MALRD1: variants seen among roughly 807,000 people sequenced by gnomAD.
MALRD1 encodes MAM and LDL receptor class A domain containing 1, also known as MAM and LDL-receptor class A domain-containing protein 1.
In MALRD1, 247 loss-of-function variants were observed where a neutral mutation model predicts 242.1. The observed-to-expected ratio is 1.02, with a 90% CI of 0.92 to 1.13. MALRD1 has a LOEUF of 1.13. Ranked by LOEUF, MALRD1 falls within the 50% of genes most tolerant of loss-of-function variation. The probability of loss-of-function intolerance (pLI) is 0.00; values close to 1 mark genes in which losing one functional copy is unlikely to be tolerated. For missense variants in MALRD1, 2,989 were observed against 2,533.1 expected (o/e 1.18, Z -3.86); for synonymous variants, 995 against 866.6 (o/e 1.15, Z -2.60).
chr10:19,182,323 C>CTTTTTT (rs1835541746), intron 14 of MALRD1, among the ~76,000 whole-genome samples: 12 of 108,050 alleles, frequency 1.1e-4, no homozygotes, highest in Non-Finnish European at 1.7e-4. Flanking sequence ...CCAAAACCTA[C>CTTTTTT]ATTTTTTTTT....
At chr10:19,307,739 A>T (rs1481270174) in intron 21 of MALRD1, among the ~76,000 whole-genome samples, 1 of 151,550 alleles carries the variant, frequency 6.6e-6, no homozygotes, top group African/African-American at 2.4e-5. Context: ...TTGGAATGAA[A>T]AAAATTGAAT....
At chr10:19,528,946 G>A (rs1447173281) in intron 31 of MALRD1, among the ~76,000 whole-genome samples, 1 of 152,198 alleles carries the variant, frequency 6.6e-6, no homozygotes, top group East Asian at 1.9e-4. Flanking sequence ...TCAGGGACAA[G>A]TACTGGTGTA....
At chr10:19,056,045 G>A (rs1235384353) in intron 1 of MALRD1, among the ~76,000 whole-genome samples, 1 of 151,980 alleles carries the variant, frequency 6.6e-6, no homozygotes, top group African/African-American at 2.4e-5. Flanking sequence ...TTGTTCTGTT[G>A]GTGTATGTGT....
At chr10:19,429,127 G>A (rs181896981) in intron 28 of MALRD1, among the ~76,000 whole-genome samples, 52 of 152,240 alleles carry the variant, frequency 3.4e-4, no homozygotes, top group Admixed American at 4.6e-4. Flanking sequence ...CACACTTGAC[G>A]ACAAAGGCTT....
At chr10:19,642,643 G>T (rs1219311992) in intron 36 of MALRD1, among the ~76,000 whole-genome samples, 2 of 152,164 alleles carry the variant, frequency 1.3e-5, no homozygotes, top group African/African-American at 4.8e-5. Context: ...AGAAAGATCT[G>T]AAAGCAACAA....
chr10:19,052,920 T>C (rs1439171121), intron 1 of MALRD1, among the ~76,000 whole-genome samples: 4 of 152,164 alleles, frequency 2.6e-5, no homozygotes, highest in Non-Finnish European at 5.9e-5. Flanking sequence ...AAGTTCCTTT[T>C]TGCACTATCA....
chr10:19,470,137 C>T (rs1836424434), intron 29 of MALRD1, among the ~76,000 whole-genome samples: 1 of 152,008 alleles, frequency 6.6e-6, no homozygotes, highest in Admixed American at 6.5e-5. Context: ...CTGGCAATCA[C>T]CATTCTATGC....
chr10:19,465,707 T>C (rs1460508868), intron 29 of MALRD1, among the ~76,000 whole-genome samples: 1 of 152,184 alleles, frequency 6.6e-6, no homozygotes, highest in African/African-American at 2.4e-5. Flanking sequence ...TAATTTTTTG[T>C]ATTTTTAATA....
intron 28 of MALRD1, among the ~76,000 whole-genome samples, chr10:19,418,425 G>T (rs1833593454): frequency 6.6e-6 from 1 of 152,040 alleles, no homozygotes. Context: ...TACGTTTTTT[G>T]GAGATTGAGA....
chr10:19,134,199 C>T (rs1403708990), intron 9 of MALRD1, among the ~76,000 whole-genome samples: 1 of 152,166 alleles, frequency 6.6e-6, no homozygotes, highest in African/African-American at 2.4e-5. Context: ...GCCTTCCTTT[C>T]TTGCTCCCCA....
chr10:19,548,218 C>T (rs371656273), intron 32 of MALRD1, among the ~76,000 whole-genome samples: 9 of 151,588 alleles, frequency 5.9e-5, no homozygotes, highest in Non-Finnish European at 1.0e-4. Context: ...AGACTGATCT[C>T]GAACTCCTGA....
chr10:19,292,762 G>A (rs757119583), intron 21 of MALRD1, among the ~76,000 whole-genome samples: 2 of 151,630 alleles, frequency 1.3e-5, no homozygotes, highest in Admixed American at 6.6e-5. Context: ...GCATGGTGGC[G>A]GGCGCCTGTA....
rs150787101 is a variant in MALRD1, at chr10:19,675,570, T to C, written c.6138-16712T>C. Among the ~76,000 whole-genome samples the C allele has an allele frequency of 3.3e-5, 5 of 152,316 alleles. No homozygotes were observed. The East Asian group carries it at 9.6e-4, about 29-fold the overall frequency. ...CAGAAACTCTGGGGAGAAGAATAAATAATCTGTGTTTTAACAAACTTTCCA... is the reference window on the plus strand; with the variant it reads ...CAGAAACTCTGGGGAGAAGAATAAACAATCTGTGTTTTAACAAACTTTCCA... On this transcript the variant is annotated intron_variant, in intron 36 of 39. Transcript: ENST00000454679.
rs553780753 is a variant in MALRD1, at chr10:19,167,609, G to A, written c.1830+1799G>A. ...TTAGAATAAATAGAATTACCCAGGG[G>A]ACAATTGACTGTGCTGGAGAAATAT... On this transcript the variant is annotated intron_variant, in intron 13 of 39. Transcript: ENST00000454679. 2.6e-5 allele frequency among the ~76,000 whole-genome samples: 4 copies of A among 152,192 alleles called. No homozygotes were observed. In the South Asian group the frequency reaches 8.3e-4, roughly 32 times the overall value.
chr10:19,346,060 CA>C (rs375320601), intron 24 of MALRD1, among the ~76,000 whole-genome samples: 27 of 152,104 alleles, frequency 1.8e-4, no homozygotes, highest in African/African-American at 6.3e-4. Context: ...GTTGTGATTA[CA>C]GGGGTGAAGC....
intron 31 of MALRD1, among the ~76,000 whole-genome samples, chr10:19,502,513 T>C (rs1051678555): frequency 4.6e-5 from 7 of 152,168 alleles, no homozygotes; most frequent in African/African-American, 1.7e-4. Flanking sequence ...TAAAATCTTA[T>C]TATAAACATA....
intron 7 of MALRD1, 51 bp from the exon 8 acceptor site, chr10:19,128,170 G>A (rs1167094924): frequency 1.7e-6 from 2 of 1,175,482 alleles, no homozygotes; most frequent in African/African-American, 3.2e-5. Context: ...TAGTCAGACA[G>A]AAAGAAGCTA....
intron 19 of MALRD1, among the ~76,000 whole-genome samples, chr10:19,274,543 C>T (rs1272577798): frequency 2.6e-5 from 4 of 152,130 alleles, no homozygotes; most frequent in African/African-American, 9.7e-5. Flanking sequence ...ATCAGCAAAC[C>T]AGGAAGTGGG....
At chr10:19,234,125 T>C (rs890041201) in intron 18 of MALRD1, among the ~76,000 whole-genome samples, 2 of 151,964 alleles carry the variant, frequency 1.3e-5, no homozygotes, top group African/African-American at 4.8e-5. Flanking sequence ...TAAATTAGGA[T>C]CTAGTGACAT....
Sources: gnomAD v4.1 joint callset for allele counts (sites outside exome capture counted in the v4.1 genomes callset) on GRCh38, gnomAD v4.1.1 for gene constraint, MANE v1.5 for transcripts, NCBI Gene and HGNC (gene_info 2026-07-23, HGNC 2026-07-21) for gene names.